Variants in KLF12 observed in about 807,000 individuals in gnomAD.
The protein encoded by KLF12 is KLF transcription factor 12, also known as Krueppel-like factor 12.
KLF12 carries 9 observed loss-of-function variants against 37.8 expected under a neutral mutation model. The observed-to-expected ratio is 0.24, with a 90% confidence interval of 0.14 to 0.42. The LOEUF (loss-of-function observed/expected upper bound fraction) is 0.42. Among genes scored for constraint, KLF12 ranks in the 10% least tolerant of loss-of-function variants. KLF12 has a pLI of 1.00. For synonymous variants in KLF12, 208 were observed against 202.1 expected (o/e 1.03, Z -0.25); for missense variants, 411 against 516.0 (o/e 0.80, Z 1.97).
chr13:74,027,775 A>C (rs1449577982), intron 1 of KLF12, among the ~76,000 whole-genome samples: 1 of 152,200 alleles, frequency 6.6e-6, no homozygotes, highest in Non-Finnish European at 1.5e-5. Flanking sequence ...AAAAACTTTA[A>C]AATTTTCCCA....
At chr13:74,079,429 T>G (rs1398400308) in intron 1 of KLF12, among the ~76,000 whole-genome samples, 1 of 152,196 alleles carries the variant, frequency 6.6e-6, no homozygotes, top group African/African-American at 2.4e-5. Context: ...AAGATTTCCA[T>G]AGGAAAAGAA....
chr13:73,891,766 T>G (rs781112363), intron 3 of KLF12, among the ~76,000 whole-genome samples: 1 of 152,142 alleles, frequency 6.6e-6, no homozygotes, highest in Non-Finnish European at 1.5e-5. Flanking sequence ...AGAACAGAAA[T>G]TGGTAAACTA....
intron 6 of KLF12, among the ~76,000 whole-genome samples, chr13:73,738,066 TATACACACACATATATGTATGTGTAC>T (rs1877603566): frequency 2.7e-5 from 4 of 148,280 alleles, no homozygotes; most frequent in African/African-American, 9.8e-5. Context: ...TATATATATA[TATACACACACATATATGTATGTGTAC>T]ATATATATAT....
chr13:73,715,327 C>T, intron 7 of KLF12, 41 bp downstream of exon 7: 1 of 1,581,652 alleles, frequency 6.3e-7, no homozygotes, highest in Non-Finnish European at 8.6e-7. Context: ...GCTTTATGGA[C>T]TCTCACTGGC....
intron 1 of KLF12, among the ~76,000 whole-genome samples, chr13:74,022,113 T>C (rs1892856678): frequency 1.3e-5 from 2 of 152,190 alleles, no homozygotes; most frequent in Non-Finnish European, 2.9e-5. Context: ...ACTGTCATTA[T>C]GAAGGAAATG....
the KLF12 span, among the ~76,000 whole-genome samples, chr13:74,253,058 C>T: frequency 6.6e-6 from 1 of 152,028 alleles, no homozygotes; most frequent in African/African-American, 2.4e-5. Flanking sequence ...TATCATCTAT[C>T]TATCATCTTT....
At chr13:74,139,429 AAC>A in the KLF12 span, among the ~76,000 whole-genome samples, 2 of 152,240 alleles carry the variant, frequency 1.3e-5, no homozygotes. Context: ...TATACGTTAA[AAC>A]ACAATTTAGC....
intron 7 of KLF12, among the ~76,000 whole-genome samples, chr13:73,706,179 A>G (rs1426176376): frequency 6.6e-6 from 1 of 152,070 alleles, no homozygotes; most frequent in African/African-American, 2.4e-5. Flanking sequence ...ACAAACAAAC[A>G]AAACCAATGG....
At chr13:74,152,885 GATA>G in the KLF12 span, among the ~76,000 whole-genome samples, 6,874 of 138,868 alleles carry the variant, frequency 0.05, 216 homozygotes, top group South Asian at 0.086. Context: ...CCCCATTACA[GATA>G]ATAATAATAA....
chr13:73,726,697 G>A (rs1876694625), intron 6 of KLF12, among the ~76,000 whole-genome samples: 1 of 152,154 alleles, frequency 6.6e-6, no homozygotes, highest in African/African-American at 2.4e-5. Flanking sequence ...TTAGTTGATG[G>A]ACATTTGGGT....
intron 2 of KLF12, among the ~76,000 whole-genome samples, chr13:73,951,777 C>A (rs544196623): frequency 6.6e-6 from 1 of 152,332 alleles, no homozygotes; most frequent in Non-Finnish European, 1.5e-5. Flanking sequence ...CAAAAATGCT[C>A]CTCCCTCCAG....
chr13:73,758,887 A>C (rs1879362160), intron 6 of KLF12, among the ~76,000 whole-genome samples: 1 of 152,178 alleles, frequency 6.6e-6, no homozygotes, highest in South Asian at 2.1e-4. Context: ...AGAGAAGTTA[A>C]GAAAATTAGG....
At chr13:73,983,460 C>G (rs1171749805) in intron 2 of KLF12, among the ~76,000 whole-genome samples, 1 of 152,140 alleles carries the variant, frequency 6.6e-6, no homozygotes, top group Non-Finnish European at 1.5e-5. Context: ...ATCGGGTGTT[C>G]TCCAGCACCG....
rs1409254733 is a variant in KLF12, at chr13:73,954,034, A to G, written c.34-9964T>C. Reference sequence around the variant, plus strand: ...CACTCTGTTGCCCAGGCTAGAGTGCAGTGACGTGATCTCGGCTCACTGCAA... The same window carrying G: ...CACTCTGTTGCCCAGGCTAGAGTGCGGTGACGTGATCTCGGCTCACTGCAA... On this transcript the variant is annotated intron_variant, in intron 2 of 7. Transcript: ENST00000377669. 2.3e-5 allele frequency among the ~76,000 whole-genome samples: 3 copies of G among 129,690 alleles called. No individual in the cohort carries two copies. The East Asian group carries it at 6.8e-4, about 29-fold the overall frequency. The allele number at this position is 129,690 out of a possible 152,430, so 85.1% of individuals were successfully genotyped here.
intron 1 of KLF12, among the ~76,000 whole-genome samples, chr13:74,099,184 A>AAAAAATTT (rs935101159): frequency 4.6e-5 from 7 of 152,080 alleles, no homozygotes; most frequent in Admixed American, 1.3e-4. Flanking sequence ...CTCAAAGAAT[A>AAAAAATTT]AAAAATTTAA....
At chr13:73,799,915 T>C (rs548840478) in intron 5 of KLF12, among the ~76,000 whole-genome samples, 40 of 152,274 alleles carry the variant, frequency 2.6e-4, no homozygotes, top group East Asian at 1.3e-3. Flanking sequence ...CACTTTCTGC[T>C]GAAAGGTCAT....
chr13:73,829,889 G>A lies in KLF12; in HGVS notation c.670+15938C>T, dbSNP rs75000483. ...CTGAAAAATAGTTATAAACCATTCA[G>A]TGGCTTATTTAGACTTGTAAATGGA... On this transcript the variant is annotated intron_variant, in intron 4 of 7. Coordinates refer to ENST00000377669, the MANE Select transcript of KLF12 (RefSeq NM_007249.5). Among the ~76,000 whole-genome samples the A allele has an allele frequency of 8.4e-3, 1,286 of 152,246 alleles. 20 individuals carry two copies. Among genetic ancestry groups the A allele is most frequent in the African/African-American group, 0.03 (1,236 of 41,538 alleles).
the KLF12 span, among the ~76,000 whole-genome samples, chr13:74,241,017 G>C: frequency 6.6e-6 from 1 of 151,858 alleles, no homozygotes; most frequent in East Asian, 1.9e-4. Context: ...GAGGAGAGGC[G>C]CTCTGCTTTT....
At chr13:73,942,219 G>C (rs1890220685) in intron 3 of KLF12, among the ~76,000 whole-genome samples, 1 of 152,168 alleles carries the variant, frequency 6.6e-6, no homozygotes, top group African/African-American at 2.4e-5. Flanking sequence ...CCATTGGTCT[G>C]GGGCTAAGTT....
Sources: allele counts gnomAD v4.1 joint callset (sites outside exome capture counted in the v4.1 genomes callset), GRCh38; gene constraint gnomAD v4.1.1; transcripts MANE v1.5; gene names NCBI Gene and HGNC (gene_info 2026-07-23, HGNC 2026-07-21).